TMEM117: variants seen among roughly 807,000 people sequenced by gnomAD.
TMEM117 encodes transmembrane protein 117.
In TMEM117, 27 loss-of-function variants were observed where a neutral mutation model predicts 52.4. That is an observed-to-expected ratio of 0.51 (90% CI 0.38 to 0.71). TMEM117 has a LOEUF of 0.71. TMEM117 is among the 30% of genes least tolerant of loss of function. TMEM117 has a pLI of 0.00. For synonymous variants in TMEM117, 215 were observed against 206.3 expected (o/e 1.04, Z -0.36); for missense variants, 556 against 630.5 (o/e 0.88, Z 1.26).
chr12:44,140,940 CTG>C (rs1469005059), intron 3 of TMEM117, among the ~76,000 whole-genome samples: 1 of 152,116 alleles, frequency 6.6e-6, no homozygotes, highest in Non-Finnish European at 1.5e-5. Context: ...AGGCAACCAG[CTG>C]TGTGTCATGC....
rs71091192 is a variant in TMEM117, at chr12:43,996,642, C to CAATAAATAAATAAATAAATA, written c.410+52312_410+52331dup. On this transcript the variant is annotated intron_variant, in intron 3 of 7. Transcript: ENST00000266534. ...TGGGCCACAGAGCAAGACTCCATCT[C>CAATAAATAAATAAATAAATA]AATAAATAAATAAATAAATAAATAA... Among the ~76,000 whole-genome samples the CAATAAATAAATAAATAAATA allele has an allele frequency of 4.1e-5, 6 of 145,310 alleles. No individual in the cohort carries two copies. In the East Asian group the frequency reaches 8.3e-4, roughly 20 times the overall value.
chr12:44,213,185 CTTTA>C (rs1397085848), intron 5 of TMEM117, among the ~76,000 whole-genome samples: 4 of 152,040 alleles, frequency 2.6e-5, no homozygotes, highest in Non-Finnish European at 5.9e-5. Flanking sequence ...CATCCTATAT[CTTTA>C]TTTATTTAAT....
intron 3 of TMEM117, among the ~76,000 whole-genome samples, chr12:43,957,606 G>A (rs1173325060): frequency 6.6e-6 from 1 of 151,948 alleles, no homozygotes; most frequent in East Asian, 1.9e-4. Context: ...TATTTATTTG[G>A]TATTAATAAA....
At chr12:43,889,642 T>C (rs999097591) in intron 2 of TMEM117, among the ~76,000 whole-genome samples, 2 of 152,218 alleles carry the variant, frequency 1.3e-5, no homozygotes, top group Non-Finnish European at 2.9e-5. Context: ...TGTTTGAAAG[T>C]AGGATTTATC....
intron 3 of TMEM117, among the ~76,000 whole-genome samples, chr12:44,063,485 T>C (rs1288242325): frequency 1.3e-5 from 2 of 152,080 alleles, no homozygotes; most frequent in African/African-American, 4.8e-5. Context: ...TTTATTATTA[T>C]ACTTTAAGTT....
intron 6 of TMEM117, among the ~76,000 whole-genome samples, chr12:44,366,719 C>T (rs1259824861): frequency 1.3e-5 from 2 of 152,074 alleles, no homozygotes; most frequent in Non-Finnish European, 2.9e-5. Context: ...GAGGTTGTTT[C>T]AGAACCTGAA....
chr12:44,080,835 G>C (rs942486583), intron 3 of TMEM117, among the ~76,000 whole-genome samples: 2 of 152,088 alleles, frequency 1.3e-5, no homozygotes, highest in Non-Finnish European at 2.9e-5. Context: ...GTTACATATG[G>C]CTACTTTTGT....
intron 3 of TMEM117, among the ~76,000 whole-genome samples, chr12:44,124,962 G>C (rs1240879311): frequency 6.6e-6 from 1 of 152,074 alleles, no homozygotes; most frequent in East Asian, 1.9e-4. Flanking sequence ...TCAAATTTTT[G>C]GGAACAGTTT....
chr12:44,077,928 A>C (rs940005131), intron 3 of TMEM117, among the ~76,000 whole-genome samples: 3 of 152,108 alleles, frequency 2.0e-5, no homozygotes, highest in Non-Finnish European at 4.4e-5. Context: ...CCAATACCAA[A>C]ATATGTTGTT....
intron 3 of TMEM117, among the ~76,000 whole-genome samples, chr12:44,046,005 G>T (rs1373935839): frequency 1.3e-5 from 2 of 152,204 alleles, no homozygotes; most frequent in African/African-American, 2.4e-5. Flanking sequence ...ACGATAATTT[G>T]CAGGGTTGGG....
intron 6 of TMEM117, among the ~76,000 whole-genome samples, chr12:44,310,304 G>A (rs114454150): frequency 0.048 from 7,308 of 152,172 alleles, 361 homozygotes; most frequent in African/African-American, 0.12. Context: ...ACAAATAGAG[G>A]CATACTCTAA....
At chr12:43,885,975 A>G (rs1943986810) in intron 2 of TMEM117, among the ~76,000 whole-genome samples, 1 of 152,218 alleles carries the variant, frequency 6.6e-6, no homozygotes. Context: ...CTAATGAGGT[A>G]TTTCTAGAAT....
chr12:44,358,250 A>G (rs565850659), intron 6 of TMEM117, among the ~76,000 whole-genome samples: 4 of 152,266 alleles, frequency 2.6e-5, no homozygotes, highest in South Asian at 2.1e-4. Flanking sequence ...AGGATCAATC[A>G]TACCACAAAC....
chr12:44,088,473 G>T (rs567448540), intron 3 of TMEM117, among the ~76,000 whole-genome samples: 3 of 152,088 alleles, frequency 2.0e-5, no homozygotes, highest in African/African-American at 4.8e-5. Flanking sequence ...CCATTATATT[G>T]TATTTCCTCT....
intron 3 of TMEM117, among the ~76,000 whole-genome samples, chr12:44,073,355 G>A (rs1592493236): frequency 6.6e-6 from 1 of 152,004 alleles, no homozygotes; most frequent in East Asian, 1.9e-4. Flanking sequence ...GTGAACTCGG[G>A]CAAGTTACTT....
At chr12:44,226,918 C>G (rs1335778679) in intron 5 of TMEM117, among the ~76,000 whole-genome samples, 1 of 152,016 alleles carries the variant, frequency 6.6e-6, no homozygotes, top group Non-Finnish European at 1.5e-5. Flanking sequence ...CTAGCAGGCT[C>G]ATATACATGT....
intron 3 of TMEM117, among the ~76,000 whole-genome samples, chr12:44,128,431 T>C (rs1948362433): frequency 6.6e-6 from 1 of 152,228 alleles, no homozygotes; most frequent in East Asian, 1.9e-4. Context: ...ATTTGCTAAA[T>C]GGTAATGAGT....
At chr12:44,149,643 G>A (rs1309847660) in intron 4 of TMEM117, among the ~76,000 whole-genome samples, 1 of 152,074 alleles carries the variant, frequency 6.6e-6, no homozygotes, top group Non-Finnish European at 1.5e-5. Flanking sequence ...GTTTATACAT[G>A]TCACTATTTT....
intron 2 of TMEM117, among the ~76,000 whole-genome samples, chr12:43,869,514 A>G (rs1943667459): frequency 6.6e-6 from 1 of 152,218 alleles, no homozygotes; most frequent in African/African-American, 2.4e-5. Context: ...CTGGTGACAG[A>G]AACTTGTGGG....
Sources: gnomAD v4.1 joint callset for allele counts (sites outside exome capture counted in the v4.1 genomes callset) on GRCh38, gnomAD v4.1.1 for gene constraint, MANE v1.5 for transcripts, NCBI Gene and HGNC (gene_info 2026-07-23, HGNC 2026-07-21) for gene names.